Variants in DLC1 observed in about 807,000 individuals in gnomAD.
The protein encoded by DLC1 is rho GTPase-activating protein 7.
A neutral mutation model predicts 140.3 loss-of-function variants in DLC1; 54 were observed. That is an observed-to-expected ratio of 0.38 (90% confidence interval 0.31 to 0.48). The LOEUF (loss-of-function observed/expected upper bound fraction) is 0.48. Among genes scored for constraint, DLC1 ranks in the 20% least tolerant of loss-of-function variants. DLC1 has a pLI of 0.96. For missense variants in DLC1, 2,536 were observed against 1,907.0 expected, an observed-to-expected ratio of 1.33 and a Z score of -6.14; for synonymous variants, 986 against 728.1, an observed-to-expected ratio of 1.35 and a Z score of -5.70.
At chr8:13,185,324 T>TTTA (rs57580943) in intron 5 of DLC1, among the ~76,000 whole-genome samples, 4 of 136,320 alleles carry the variant, frequency 2.9e-5, no homozygotes, top group South Asian at 2.5e-4. Context: ...TTGTTTGTTT[T>TTTA]TGAGATGGAG....
chr8:13,315,891 C>A (rs1257787421), intron 4 of DLC1, among the ~76,000 whole-genome samples: 1 of 152,162 alleles, frequency 6.6e-6, no homozygotes, highest in Admixed American at 6.5e-5. Flanking sequence ...TAAAATTATT[C>A]AGAGTGGGTT....
At chr8:13,257,953 A>G (rs553504189) in intron 5 of DLC1, among the ~76,000 whole-genome samples, 2 of 152,352 alleles carry the variant, frequency 1.3e-5, no homozygotes, top group East Asian at 3.9e-4. Context: ...ATAAGCGGGA[A>G]GTCATCAAAA....
At chr8:13,314,418 A>G (rs1832788839) in intron 4 of DLC1, among the ~76,000 whole-genome samples, 1 of 151,552 alleles carries the variant, frequency 6.6e-6, no homozygotes, top group Non-Finnish European at 1.5e-5. Flanking sequence ...AGAATAGCAT[A>G]TAATATCTAG....
intron 5 of DLC1, among the ~76,000 whole-genome samples, chr8:13,226,030 A>T (rs1220701575): frequency 1.3e-5 from 2 of 152,070 alleles, no homozygotes; most frequent in Non-Finnish European, 2.9e-5. Flanking sequence ...CTCCCACATC[A>T]GTCTCCTGAG....
At chr8:13,435,975 C>T (rs996031206) in intron 2 of DLC1, among the ~76,000 whole-genome samples, 1 of 152,158 alleles carries the variant, frequency 6.6e-6, no homozygotes, top group Non-Finnish European at 1.5e-5. Flanking sequence ...AAAGATTGAG[C>T]TGCTGAAAGT....
At chr8:13,595,758 T>C (rs1464979492) in intron 1 of DLC1, among the ~76,000 whole-genome samples, 1 of 151,880 alleles carries the variant, frequency 6.6e-6, no homozygotes, top group Non-Finnish European at 1.5e-5. Context: ...TTGCCTGGGG[T>C]TTATTGCATT....
At chr8:13,484,297 A>G (rs967315322) in intron 2 of DLC1, among the ~76,000 whole-genome samples, 1 of 152,242 alleles carries the variant, frequency 6.6e-6, no homozygotes, top group Non-Finnish European at 1.5e-5. Context: ...GACTAAGCTT[A>G]CAGATGCATT....
rs763716217 is a variant in DLC1, at chr8:13,090,474, T to C, written c.3856-4A>G. The C allele has an allele frequency of 9.9e-6, 16 of 1,613,502 alleles. No individual in the cohort carries two copies. The highest frequency in any genetic ancestry group is 1.3e-5 in the Non-Finnish European group (15 of 1,180,002). ...ATCGGCTCATTTCCTCGGGAACCTG[T>C]GCGGAACATGACAGACAGAAAGGAG... On this transcript the variant is annotated splice_region_variant and splice_polypyrimidine_tract_variant and intron_variant, in intron 14 of 17. Transcript: ENST00000276297.
At chr8:13,189,032 G>T (rs974039003) in intron 5 of DLC1, among the ~76,000 whole-genome samples, 1 of 151,028 alleles carries the variant, frequency 6.6e-6, no homozygotes, top group Non-Finnish European at 1.5e-5. Flanking sequence ...TATGGACCAA[G>T]CCTTTTCTCA....
chr8:13,095,323 C>T (rs1238900978), intron 10 of DLC1, 78 bp from the exon 11 acceptor site: 1 of 1,575,556 alleles, frequency 6.3e-7, no homozygotes, highest in Non-Finnish European at 8.7e-7. Context: ...ATTCTGCAGG[C>T]AAACCCTGTG....
intron 4 of DLC1, among the ~76,000 whole-genome samples, chr8:13,389,306 T>G (rs1836650986): frequency 6.6e-6 from 1 of 152,112 alleles, no homozygotes; most frequent in Non-Finnish European, 1.5e-5. Context: ...AATCCTATAT[T>G]AATACCAGGA....
intron 4 of DLC1, among the ~76,000 whole-genome samples, chr8:13,329,917 A>G (rs1391450388): frequency 6.6e-6 from 1 of 152,158 alleles, no homozygotes; most frequent in African/African-American, 2.4e-5. Flanking sequence ...TATTTGTTGT[A>G]GAGTTTGAGA....
intron 5 of DLC1, among the ~76,000 whole-genome samples, chr8:13,135,476 C>A (rs775775345): frequency 3.9e-5 from 6 of 152,032 alleles, no homozygotes; most frequent in Non-Finnish European, 5.9e-5. Flanking sequence ...CCACCGCGCC[C>A]GGTCGAGAAG....
At chr8:13,377,702 G>A (rs989419438) in intron 4 of DLC1, among the ~76,000 whole-genome samples, 5 of 152,074 alleles carry the variant, frequency 3.3e-5, no homozygotes, top group Admixed American at 2.6e-4. Flanking sequence ...GTCATGAAAC[G>A]TCTTCTGTGG....
chr8:13,183,083 T>C (rs936611063), intron 5 of DLC1, among the ~76,000 whole-genome samples: 1 of 152,210 alleles, frequency 6.6e-6, no homozygotes, highest in African/African-American at 2.4e-5. Flanking sequence ...TTGTAGCAAT[T>C]GTGAATGAGA....
intron 5 of DLC1, among the ~76,000 whole-genome samples, chr8:13,201,787 A>G (rs960770842): frequency 2.6e-5 from 4 of 151,874 alleles, no homozygotes; most frequent in Admixed American, 2.6e-4. Context: ...TTAAATTTTT[A>G]TTTTTTTCAA....
In DLC1 at chr8:13,305,435, G is replaced by C. The variant is rs572495035; in HGVS notation, c.1315-133C>G. Reference sequence around the variant, plus strand: ...TGCCAATAGAAAAATTAGCATTTTGGAACTATCAGTAAAATCACTAGAGCT... The same window carrying C: ...TGCCAATAGAAAAATTAGCATTTTGCAACTATCAGTAAAATCACTAGAGCT... On this transcript the variant is annotated intron_variant, in intron 4 of 17. Transcript: ENST00000276297. The C allele has an allele frequency of 3.6e-5, 31 of 862,872 alleles. No individual in the cohort carries two copies. The African/African-American group carries it at 5.1e-4, about 14-fold the overall frequency. 53.5% of individuals were successfully genotyped at this position (862,872 alleles called of 1,614,324 possible). A position where few individuals can be genotyped will look rare whatever the true frequency, so the allele number is the denominator to read the frequency against.
chr8:13,537,648 CTTT>C (rs3066420), intron 1 of DLC1, among the ~76,000 whole-genome samples: 1,643 of 90,310 alleles, frequency 0.018, 27 homozygotes, highest in African/African-American at 0.069. Context: ...ACAGCTAACT[CTTT>C]TTTTTTTTTT....
In DLC1 at chr8:13,408,544, G is replaced by C. The variant is rs548071036; in HGVS notation, c.1024-6925C>G. Among the ~76,000 whole-genome samples the C allele has an allele frequency of 3.9e-5, 6 of 152,320 alleles. No individual in the cohort carries two copies. In the East Asian group the frequency reaches 1.2e-3, roughly 29 times the overall value. On this transcript the variant is annotated intron_variant, in intron 2 of 17. Transcript: ENST00000276297. ...AAAGGATATTGATACAGCTCGTCCT[G>C]AGAAGTGTTCAGAAGTGCAGGTGTG... is the stretch of plus-strand genomic sequence containing the variant.
Sources: gnomAD v4.1 joint callset for allele counts (sites outside exome capture counted in the v4.1 genomes callset) on GRCh38, gnomAD v4.1.1 for gene constraint, MANE v1.5 for transcripts, NCBI Gene and HGNC (gene_info 2026-07-23, HGNC 2026-07-21) for gene names.